Variants in NEGR1 observed in about 807,000 individuals in gnomAD.
NEGR1 encodes neuronal growth regulator 1, also known as IgLON family member 4.
In NEGR1, 10 loss-of-function variants were observed where a neutral mutation model predicts 40.9. The ratio of observed to expected loss-of-function variants is 0.24; its 90% CI spans 0.15 to 0.42. The LOEUF is 0.42. NEGR1 is among the 10% of genes least tolerant of loss of function. The pLI is 1.00. For missense variants in NEGR1, 352 were observed against 438.9 expected (o/e 0.80, Z 1.77); for synonymous variants, 185 against 166.8 (o/e 1.11, Z -0.84).
At chr1:71,520,121 G>C (rs1647145496) in intron 6 of NEGR1, among the ~76,000 whole-genome samples, 1 of 152,104 alleles carries the variant, frequency 6.6e-6, no homozygotes, top group Non-Finnish European at 1.5e-5. Flanking sequence ...GTTGGAGTCA[G>C]ACGAACTCTG....
intron 3 of NEGR1, among the ~76,000 whole-genome samples, chr1:71,744,202 G>T (rs1329776245): frequency 1.3e-5 from 2 of 150,622 alleles, no homozygotes; most frequent in African/African-American, 4.9e-5. Flanking sequence ...TAAAGCTCAG[G>T]GTCCAAATCT....
chr1:71,998,645 T>A (rs1293203467), intron 1 of NEGR1, among the ~76,000 whole-genome samples: 1 of 151,794 alleles, frequency 6.6e-6, no homozygotes, highest in African/African-American at 2.4e-5. Context: ...AAGGAAGTCA[T>A]AACCTCCACA....
intron 6 of NEGR1, among the ~76,000 whole-genome samples, chr1:71,575,553 G>A (rs933974402): frequency 3.9e-5 from 6 of 152,206 alleles, no homozygotes; most frequent in Admixed American, 1.3e-4. Context: ...GGAGGCCGAG[G>A]TGGGTGGATC....
chr1:71,455,417 G>T (rs556353713), intron 6 of NEGR1, among the ~76,000 whole-genome samples: 1 of 152,122 alleles, frequency 6.6e-6, no homozygotes, highest in African/African-American at 2.4e-5. Context: ...TTAAGCAAAG[G>T]TGGCACTTGA....
chr1:71,975,066 G>C (rs1646289924), intron 1 of NEGR1, among the ~76,000 whole-genome samples: 1 of 152,124 alleles, frequency 6.6e-6, no homozygotes, highest in Non-Finnish European at 1.5e-5. Flanking sequence ...GTCAATGTTT[G>C]TTATTCCAGA....
chr1:71,411,802 A>G (rs1646323191), intron 6 of NEGR1, among the ~76,000 whole-genome samples: 1 of 151,986 alleles, frequency 6.6e-6, no homozygotes, highest in Admixed American at 6.5e-5. Flanking sequence ...GAGTTCGAGA[A>G]TAGCTTGGCC....
At chr1:71,408,351 G>C (rs1333297775) in intron 6 of NEGR1, among the ~76,000 whole-genome samples, 1 of 151,982 alleles carries the variant, frequency 6.6e-6, no homozygotes, top group Admixed American at 6.6e-5. Context: ...TAATGAAAAA[G>C]GGACTAGGTT....
chr1:71,909,286 C>T (rs1661362016), intron 2 of NEGR1, among the ~76,000 whole-genome samples: 1 of 152,020 alleles, frequency 6.6e-6, no homozygotes, highest in South Asian at 2.1e-4. Flanking sequence ...TTTCTCTCAT[C>T]AAGTATTCCA....
chr1:71,916,210 A>G (rs1030807534), intron 2 of NEGR1, among the ~76,000 whole-genome samples: 1 of 152,190 alleles, frequency 6.6e-6, no homozygotes, highest in South Asian at 2.1e-4. Context: ...TTTATTTTAT[A>G]CTATCTGATG....
intron 6 of NEGR1, among the ~76,000 whole-genome samples, chr1:71,580,276 G>A (rs1473617586): frequency 6.7e-6 from 1 of 149,988 alleles, no homozygotes; most frequent in Non-Finnish European, 1.5e-5. Flanking sequence ...ATGGACACAG[G>A]AAGGGGAACA....
chr1:71,466,947 T>C (rs528358573), intron 6 of NEGR1, among the ~76,000 whole-genome samples: 21 of 152,226 alleles, frequency 1.4e-4, no homozygotes, highest in African/African-American at 4.3e-4. Flanking sequence ...GTAGTATAAA[T>C]TGTGGGCTAA....
At position 71,401,332 on chromosome 1, in the gene NEGR1, T is replaced by A. The variant is rs549581878; in HGVS notation, c.*6114A>T. 91 of 152,356 alleles carry A rather than the reference T, an allele frequency of 6.0e-4. 1 individual carries two copies. Among genetic ancestry groups the A allele is most frequent in the African/African-American group, 2.1e-3 (89 of 41,590 alleles). 9.4% of individuals were successfully genotyped at this position (152,356 alleles called of 1,614,324 possible). On this transcript the variant is annotated 3_prime_UTR_variant, in exon 7 of 7. Transcript: ENST00000357731. The stretch of plus-strand genomic sequence containing the variant: ...CATTAATTTCAAGGTTTTTGATCTA[T>A]AAATGTGTATGTTCTTTAAATTATC...
intron 4 of NEGR1, among the ~76,000 whole-genome samples, chr1:71,623,883 T>A (rs2101556108): frequency 1.3e-5 from 2 of 151,918 alleles, no homozygotes; most frequent in East Asian, 1.9e-4. Flanking sequence ...CAAAAGTAAT[T>A]TGACAAGTGA....
intron 1 of NEGR1, among the ~76,000 whole-genome samples, chr1:72,278,974 T>C (rs1442766637): frequency 6.6e-6 from 1 of 152,104 alleles, no homozygotes; most frequent in Non-Finnish European, 1.5e-5. Flanking sequence ...CATTAAATAC[T>C]TTATCAAGAA....
chr1:72,063,181 T>C (rs560938614), intron 1 of NEGR1, among the ~76,000 whole-genome samples: 3 of 152,136 alleles, frequency 2.0e-5, no homozygotes, highest in Admixed American at 1.3e-4. Context: ...ATTAAATATT[T>C]TTCCTGGATA....
chr1:72,241,550 C>T (rs1654745467), intron 1 of NEGR1, among the ~76,000 whole-genome samples: 1 of 151,472 alleles, frequency 6.6e-6, no homozygotes, highest in African/African-American at 2.4e-5. Context: ...GCAACAGAGT[C>T]CACAAATCCT....
At chr1:72,022,700 C>T (rs1032389200) in intron 1 of NEGR1, among the ~76,000 whole-genome samples, 1 of 151,962 alleles carries the variant, frequency 6.6e-6, no homozygotes, top group Non-Finnish European at 1.5e-5. Flanking sequence ...TAAAAGTTTA[C>T]AAGAATTTTA....
intron 3 of NEGR1, among the ~76,000 whole-genome samples, chr1:71,747,844 T>A (rs1655438568): frequency 6.6e-6 from 1 of 151,376 alleles, no homozygotes; most frequent in African/African-American, 2.4e-5. Flanking sequence ...TTTTTTTTTT[T>A]AACATTTATA....
At chr1:72,247,367 T>A (rs1049543779) in intron 1 of NEGR1, among the ~76,000 whole-genome samples, 1 of 152,202 alleles carries the variant, frequency 6.6e-6, no homozygotes, top group African/African-American at 2.4e-5. Flanking sequence ...AATCCAAATT[T>A]AAGTCACTTG....
Sources: gnomAD v4.1 joint callset for allele counts (sites outside exome capture counted in the v4.1 genomes callset) on GRCh38, gnomAD v4.1.1 for gene constraint, MANE v1.5 for transcripts, NCBI Gene and HGNC (gene_info 2026-07-23, HGNC 2026-07-21) for gene names.